Variants in NUMA1 observed in about 807,000 individuals in gnomAD.
NUMA1 encodes SP-H antigen.
Under a neutral mutation model 237.1 loss-of-function variants are expected in NUMA1, and 62 were observed. That is an observed-to-expected ratio of 0.26 (90% CI 0.21 to 0.32). The LOEUF is 0.32. Among genes scored for constraint, NUMA1 ranks in the 10% least tolerant of loss-of-function variants. The probability of loss-of-function intolerance (pLI) is 1.00; values close to 1 mark genes in which losing one functional copy is unlikely to be tolerated. For missense variants in NUMA1, 2,533 were observed against 2,666.5 expected (o/e 0.95, Z 1.10); for synonymous variants, 1,028 against 1,066.1 (o/e 0.96, Z 0.70).
intron 4 of NUMA1, among the ~76,000 whole-genome samples, chr11:72,025,632 C>A (rs1009634614): frequency 1.8e-4 from 28 of 152,192 alleles, no homozygotes; most frequent in African/African-American, 6.0e-4. Flanking sequence ...AGAATCTACA[C>A]TCCTAGTTCT....
chr11:72,042,040 C>T (rs764551774), intron 2 of NUMA1: 3 of 152,294 alleles, frequency 2.0e-5, no homozygotes, highest in Non-Finnish European at 4.4e-5. Flanking sequence ...GGCTGAGGGG[C>T]CAAGGCACGA....
chr11:72,056,634 TTAA>T (rs1180213296), intron 2 of NUMA1, among the ~76,000 whole-genome samples: 1 of 10,638 alleles, frequency 9.4e-5, no homozygotes, highest in Non-Finnish European at 2.7e-4. Flanking sequence ...TCCCATCTCT[TTAA>T]AAAAAAAAAA....
intron 23 of NUMA1, 134 bp downstream of exon 23, chr11:72,005,099 A>T: frequency 1.2e-5 from 13 of 1,072,342 alleles, no homozygotes; most frequent in Non-Finnish European, 1.7e-5. Context: ...TTCCACCTGG[A>T]AACATGAGAA....
intron 20 of NUMA1, 126 bp from the exon 21 acceptor site, chr11:72,007,561 G>A (rs372008761): frequency 1.6e-6 from 2 of 1,226,692 alleles, no homozygotes; most frequent in Non-Finnish European, 1.1e-6. Context: ...CCATCTCTCT[G>A]ATTTTTCAGA....
chr11:72,003,652 GAGCCC>G (rs1565179594), intron 26 of NUMA1, 114 bp from the exon 27 acceptor site: 42 of 1,379,576 alleles, frequency 3.0e-5, no homozygotes, highest in Non-Finnish European at 4.3e-5. Context: ...CCTCCCTTGT[GAGCCC>G]CAGGGTTATC....
intron 23 of NUMA1, 41 bp from the exon 24 acceptor site, chr11:72,004,857 T>TG: frequency 6.6e-7 from 1 of 1,516,492 alleles, no homozygotes; most frequent in South Asian, 1.3e-5. Context: ...CATAGCTGTA[T>TG]GGAGATGGAG....
chr11:72,018,735 G>A, intron 10 of NUMA1, 88 bp downstream of exon 10: 4 of 1,467,082 alleles, frequency 2.7e-6, no homozygotes, highest in Non-Finnish European at 3.7e-6. Flanking sequence ...CTCAGCTCCA[G>A]GGGCCAGCAG....
intron 3 of NUMA1, 82 bp from the exon 4 acceptor site, chr11:72,029,372 C>G: frequency 1.2e-6 from 1 of 805,378 alleles, no homozygotes; most frequent in Non-Finnish European, 2.0e-6. Flanking sequence ...AATGTGAGTG[C>G]TTACAGTTGT....
intron 2 of NUMA1, among the ~76,000 whole-genome samples, chr11:72,045,774 G>A (rs2135941637): frequency 6.6e-6 from 1 of 152,204 alleles, no homozygotes; most frequent in Middle Eastern, 3.4e-3. Flanking sequence ...GCCATCACAG[G>A]CCTGGCCAAA....
rs537940118 is a variant in NUMA1, at chr11:72,008,854, G to A, written c.5059-9C>T. The A allele has an allele frequency of 4.4e-5, 71 of 1,614,158 alleles. 1 individual carries two copies. In the South Asian group the frequency reaches 7.8e-4, roughly 18 times the overall value. On this transcript the variant is annotated splice_polypyrimidine_tract_variant and intron_variant, in intron 19 of 26. Coordinates refer to ENST00000393695, the MANE Select transcript of NUMA1 (RefSeq NM_006185.4). Reference sequence around the variant, plus strand: ...TGGTCTGCATGGGCAACCTGAGAAGGAGAGGGCCAGGGGGAGAGTGAAGAA... The same window carrying A: ...TGGTCTGCATGGGCAACCTGAGAAGAAGAGGGCCAGGGGGAGAGTGAAGAA...
chr11:72,056,931 G>T (rs1315075405), intron 2 of NUMA1, among the ~76,000 whole-genome samples: 1 of 151,744 alleles, frequency 6.6e-6, no homozygotes, highest in Admixed American at 6.6e-5. Flanking sequence ...CATTGAAAAT[G>T]GAACTATCCT....
chr11:72,022,320 T>C lies in NUMA1; in HGVS notation c.372+19A>G. 6.4e-7 allele frequency: 1 copy of C among 1,574,796 alleles called. No individual in the cohort carries two copies. The highest frequency in any genetic ancestry group is 8.7e-7 in the Non-Finnish European group (1 of 1,145,922). On this transcript the variant is annotated intron_variant, in intron 7 of 26. Coordinates refer to ENST00000393695, the MANE Select transcript of NUMA1 (RefSeq NM_006185.4). ...CATGGGCTAGGCCTGCTAGGTGGCA[T>C]GGAGGCACAAGGGCTTACCTGAATT...
intron 1 of NUMA1, among the ~76,000 whole-genome samples, chr11:72,074,917 C>G (rs1943636424): frequency 6.6e-6 from 1 of 152,048 alleles, no homozygotes. Context: ...GCCTGTAATC[C>G]CAGCTACTTG....
At position 72,018,210 on chromosome 11, in the gene NUMA1, C is replaced by T. The variant is rs370844544; in HGVS notation, c.951G>A (p.Ser317=). The change falls in exon 12 of 27, where the codon TCG becomes TCA. Residue 317 remains serine (S), a synonymous_variant. Coordinates refer to ENST00000393695, the MANE Select transcript of NUMA1 (RefSeq NM_006185.4). Reference sequence around the variant, plus strand: ...TAAAGGAAAGGTCTCCATTCTCCTCCGAAAGCTGGTTGATTTTGCGATCCA... The same window carrying T: ...TAAAGGAAAGGTCTCCATTCTCCTCTGAAAGCTGGTTGATTTTGCGATCCA... ...SQMDRKINQL[S]EENGDLSFKL... is the part of the protein sequence containing the mutation. The T allele has an allele frequency of 8.1e-5, 130 of 1,614,084 alleles. 1 individual carries two copies. Among genetic ancestry groups the T allele is most frequent in the Non-Finnish European group, 9.2e-5 (109 of 1,179,920 alleles).
Position 72,005,307 on chromosome 11 carries a change from G to C in NUMA1, c.5755C>G (p.Arg1919Gly). 6.2e-7 allele frequency: 1 copy of C among 1,608,576 alleles called. No individual in the cohort carries two copies. The highest frequency in any genetic ancestry group is 8.5e-7 in the Non-Finnish European group (1 of 1,177,482). Reference protein sequence around the residue: ...DEPEQLDDWNRIAELQQRNRV... With the variant: ...DEPEQLDDWNGIAELQQRNRV... The stretch of plus-strand genomic sequence containing the variant: ...TTGCGCTGCTGCAGCTCTGCAATGC[G>C]GTTCCAGTCATCCAGCTGCTCAGGC... The change falls in exon 23 of 27, where the codon CGC becomes GGC. Residue 1919 changes from arginine (R) to glycine (G), a missense_variant. Around this residue, in one of 3 missense-constraint regions of NUMA1, gnomAD observed 795 missense variants for 750.8 expected, o/e 1.06. Transcript: ENST00000393695.
intron 26 of NUMA1, 51 bp from the exon 27 acceptor site, chr11:72,003,589 G>A (rs758454424): frequency 2.5e-6 from 4 of 1,610,584 alleles, no homozygotes; most frequent in East Asian, 2.2e-5. Flanking sequence ...ATACTAGCCT[G>A]CACCCACTGG....
chr11:72,018,661 A>T (rs1393281439), intron 10 of NUMA1, 148 bp from the exon 11 acceptor site: 3 of 1,084,470 alleles, frequency 2.8e-6, no homozygotes, highest in Non-Finnish European at 1.3e-6. Flanking sequence ...GAAAGAGAAG[A>T]TGGGGACAAA....
At chr11:72,042,854 C>G (rs1027005380) in intron 2 of NUMA1, among the ~76,000 whole-genome samples, 1 of 152,138 alleles carries the variant, frequency 6.6e-6, no homozygotes, top group African/African-American at 2.4e-5. Context: ...GGCCTTGGCA[C>G]GACGGCTCAC....
At chr11:72,041,880 C>T (rs1369726159) in intron 2 of NUMA1, 1 of 152,710 alleles carries the variant, frequency 6.5e-6, no homozygotes, top group African/African-American at 2.4e-5. Flanking sequence ...CTCCGCCACC[C>T]AAACAAGAAG....
Sources: gnomAD v4.1 joint callset for allele counts (sites outside exome capture counted in the v4.1 genomes callset) on GRCh38, gnomAD v4.1.1 for gene constraint, gnomAD v4.1.1 regional missense constraint, MANE v1.5 for transcripts, NCBI Gene and HGNC (gene_info 2026-07-23, HGNC 2026-07-21) for gene names.